Variants in MTMR14 observed in about 807,000 individuals in gnomAD.
MTMR14 encodes phosphatidylinositol-3,5-bisphosphate 3-phosphatase MTMR14.
MTMR14 carries 48 observed loss-of-function variants against 86.3 expected under a neutral mutation model. That is an observed-to-expected ratio of 0.56 (90% CI 0.44 to 0.71). The LOEUF (loss-of-function observed/expected upper bound fraction) is 0.71. Ranked by LOEUF, MTMR14 falls within the 30% of genes least tolerant of loss-of-function variation. The pLI, the probability that MTMR14 is intolerant of heterozygous loss-of-function variation, is 0.00. For synonymous variants in MTMR14, 366 were observed against 326.1 expected (o/e 1.12, Z -1.32); for missense variants, 780 against 834.6 (o/e 0.93, Z 0.81).
At chr3:9,668,619 G>A (rs1186985847) in intron 3 of MTMR14, 100 bp from the exon 4 acceptor site, 14 of 1,294,650 alleles carry the variant, frequency 1.1e-5, no homozygotes, top group Middle Eastern at 1.8e-4. Flanking sequence ...TCCTGGGCCC[G>A]TTATGCTGGC....
At chr3:9,699,192 CACCT>C (rs1229543206) in intron 18 of MTMR14, among the ~76,000 whole-genome samples, 1 of 150,962 alleles carries the variant, frequency 6.6e-6, no homozygotes, top group Non-Finnish European at 1.5e-5. Flanking sequence ...AAAAAAATTG[CACCT>C]TTCTGTAAAG....
chr3:9,670,502 TTA>T (rs750541246), intron 5 of MTMR14, among the ~76,000 whole-genome samples: 1 of 152,260 alleles, frequency 6.6e-6, no homozygotes, highest in African/African-American at 2.4e-5. Flanking sequence ...TAGAAAAATT[TTA>T]TCTTTCTCTT....
chr3:9,698,847 G>C (rs2076362719), intron 18 of MTMR14, among the ~76,000 whole-genome samples: 1 of 151,854 alleles, frequency 6.6e-6, no homozygotes, highest in Non-Finnish European at 1.5e-5. Flanking sequence ...CTAGAAACAA[G>C]ATCTTAGATG....
intron 17 of MTMR14, among the ~76,000 whole-genome samples, chr3:9,694,289 T>G (rs1434537033): frequency 6.6e-6 from 1 of 151,990 alleles, no homozygotes; most frequent in African/African-American, 2.4e-5. Context: ...CTCAGTTATT[T>G]TATCCTGTTT....
intron 13 of MTMR14, among the ~76,000 whole-genome samples, chr3:9,687,576 C>T (rs1392483486): frequency 2.0e-5 from 3 of 151,544 alleles, no homozygotes; most frequent in Admixed American, 6.6e-5. Context: ...AAAAAAATAG[C>T]TGGCTTAACC....
intron 1 of MTMR14, 64 bp downstream of exon 1, chr3:9,649,806 T>C (rs2047174043): frequency 1.3e-6 from 2 of 1,598,580 alleles, no homozygotes; most frequent in Non-Finnish European, 1.7e-6. Context: ...GAGGAAAGGC[T>C]GAGGCCAGGG....
At chr3:9,668,392 T>C (rs958628725) in intron 3 of MTMR14, among the ~76,000 whole-genome samples, 36 of 152,328 alleles carry the variant, frequency 2.4e-4, no homozygotes, top group African/African-American at 8.4e-4. Context: ...CCTCATGGGC[T>C]TGTTGTAAAA....
At chr3:9,683,271 G>A (rs772073428) in intron 10 of MTMR14, 27 bp downstream of exon 10, 18 of 1,606,592 alleles carry the variant, frequency 1.1e-5, no homozygotes, top group African/African-American at 5.4e-5. Flanking sequence ...CAGAGCCCTC[G>A]AGCCACTGCA....
chr3:9,672,577 G>GT (rs919850165), intron 6 of MTMR14, 108 bp from the exon 7 acceptor site: 96 of 999,010 alleles, frequency 9.6e-5, no homozygotes, highest in Middle Eastern at 2.1e-4. Flanking sequence ...ATGAAGAATA[G>GT]TTTTTTTTAG....
intron 14 of MTMR14, among the ~76,000 whole-genome samples, 153 bp from the exon 15 acceptor site, chr3:9,688,543 C>A (rs952246916): frequency 4.6e-5 from 7 of 152,200 alleles, no homozygotes; most frequent in African/African-American, 1.7e-4. Flanking sequence ...CCAGAAGTGG[C>A]CCTGGTGTCT....
At chr3:9,663,110 C>T (rs972359632) in intron 3 of MTMR14, among the ~76,000 whole-genome samples, 7 of 152,056 alleles carry the variant, frequency 4.6e-5, no homozygotes, top group Admixed American at 1.3e-4. Flanking sequence ...GACGTTTGAG[C>T]GGGGAAATTC....
intron 2 of MTMR14, among the ~76,000 whole-genome samples, chr3:9,661,974 C>G (rs969434304): frequency 1.3e-5 from 2 of 151,720 alleles, no homozygotes; most frequent in Non-Finnish European, 1.5e-5. Flanking sequence ...GTAGTCACAG[C>G]ATACTCGGGA....
rs141092461 is a variant in MTMR14 at position 9,671,232 on chromosome 3, C to T, written c.677+62C>T. On this transcript the variant is annotated intron_variant, in intron 6 of 18. Coordinates refer to ENST00000296003, the MANE Select transcript of MTMR14 (RefSeq NM_001077525.3). ...AGTGTGTACAGATTTGCAGGGCTGG[C>T]GTTAGTATGTAGCTGTCACTGCGTG... 1.2e-3 allele frequency: 1,975 copies of T among 1,610,426 alleles called. 10 individuals carry two copies. The Middle Eastern group carries it at 0.021, about 17-fold the overall frequency.
intron 2 of MTMR14, among the ~76,000 whole-genome samples, chr3:9,660,282 C>T (rs577271149): frequency 8.6e-5 from 13 of 151,666 alleles, no homozygotes; most frequent in Admixed American, 2.6e-4. Flanking sequence ...TTCCCCCAGA[C>T]GGAGTCTCGC....
intron 18 of MTMR14, among the ~76,000 whole-genome samples, chr3:9,698,904 C>T (rs1032219686): frequency 5.3e-5 from 8 of 152,030 alleles, no homozygotes; most frequent in African/African-American, 1.5e-4. Flanking sequence ...CATGGTGGCT[C>T]ACGCCTGTAG....
chr3:9,689,208 G>A (rs1055440477), intron 16 of MTMR14, 126 bp downstream of exon 16: 12 of 1,400,924 alleles, frequency 8.6e-6, no homozygotes, highest in East Asian at 2.5e-5. Context: ...GGATAGCTCC[G>A]TGCTCCTGCT....
intron 2 of MTMR14, among the ~76,000 whole-genome samples, chr3:9,655,241 C>T (rs1157946699): frequency 1.3e-5 from 2 of 151,640 alleles, no homozygotes; most frequent in Non-Finnish European, 1.5e-5. Context: ...GTGGTGGGCT[C>T]CTGTAATCCC....
At chr3:9,688,028 T>G (rs1408423994) in intron 14 of MTMR14, 137 bp downstream of exon 14, 1 of 784,166 alleles carries the variant, frequency 1.3e-6, no homozygotes, top group African/African-American at 1.7e-5. Flanking sequence ...CTGCCTTCGC[T>G]CTGAGGCCAG....
intron 2 of MTMR14, among the ~76,000 whole-genome samples, chr3:9,661,789 CT>C (rs1036204007): frequency 1.2e-3 from 174 of 147,198 alleles, no homozygotes; most frequent in African/African-American, 2.6e-3. Context: ...ATAATTAGCA[CT>C]TTTTTTTTTT....
Sources: gnomAD v4.1 joint callset for allele counts (sites outside exome capture counted in the v4.1 genomes callset) on GRCh38, gnomAD v4.1.1 for gene constraint, MANE v1.5 for transcripts, NCBI Gene and HGNC (gene_info 2026-07-23, HGNC 2026-07-21) for gene names.